The following ACTN1 variants were observed in gnomAD, a reference collection of about 807,000 sequenced individuals.
ACTN1 encodes the protein actinin alpha 1.
ACTN1 carries 30 observed loss-of-function variants against 119.6 expected under a neutral mutation model. The observed-to-expected ratio is 0.25, with a 90% CI of 0.19 to 0.34. The LOEUF (loss-of-function observed/expected upper bound fraction) is 0.34, where lower values mean the gene tolerates loss of function less well. Among genes scored for constraint, ACTN1 ranks in the 10% least tolerant of loss-of-function variants. ACTN1 has a pLI of 1.00. For synonymous variants in ACTN1, 429 were observed against 472.6 expected (o/e 0.91, Z 1.20); for missense variants, 764 against 1,223.4 (o/e 0.62, Z 5.60).
At position 68,885,862 on chromosome 14, in the gene ACTN1, ACACACAGCGGGAAACACAGCCATC is replaced by A; in HGVS notation, c.1235-311_1235-288del. 6.0e-6 allele frequency: 2 copies of A among 331,860 alleles called. No individual in the cohort carries two copies. The highest frequency in any genetic ancestry group is 5.7e-6 in the Non-Finnish European group (1 of 175,538). The allele number at this position is 331,860 out of a possible 1,614,324, so 20.6% of individuals were successfully genotyped here. On this transcript the variant is annotated intron_variant, in intron 11 of 21. Transcript: ENST00000394419. This position sits in a 1 kb window ranked among gnomAD's most constrained non-coding sequence, Gnocchi z 5.6. Reference sequence around the variant, plus strand: ...GGGAATGCATAGGGCATGACGCTATACACACAGCGGGAAACACAGCCATCCACACCCTCTGGTATAACCAGGAAA... The same window carrying A: ...GGGAATGCATAGGGCATGACGCTATACACACCCTCTGGTATAACCAGGAAA...
Position 68,880,960 on chromosome 14 carries a change from A to G in ACTN1, c.1983T>C (p.His661=), listed in dbSNP as rs149956838. ...EEIGRISIEM[H]GTLEDQLSHL... is the part of the protein sequence containing the mutation. ...GGCTGAGCTGGTCCTCCAGGGTCCC[A>G]TGCATCTCAATGGAGATCCTCCCGA... Residue 661 remains histidine, a synonymous_variant, in exon 17 of 22, where the codon CAT becomes CAC. Coordinates refer to ENST00000394419, the MANE Select transcript of ACTN1 (RefSeq NM_001130004.2). This position sits in a 1 kb window ranked among gnomAD's most constrained non-coding sequence, Gnocchi z 4.6. The G allele has an allele frequency of 1.2e-5, 19 of 1,613,978 alleles. No homozygotes were observed. In the African/African-American group the frequency reaches 2.5e-4, roughly 22 times the overall value.
rs1463057844 is a variant in ACTN1 at position 68,925,677 on chromosome 14, G to A, written c.106-5C>T. On this transcript the variant is annotated splice_polypyrimidine_tract_variant and splice_region_variant and intron_variant, in intron 1 of 21. Coordinates refer to ENST00000394419, the MANE Select transcript of ACTN1 (RefSeq NM_001130004.2). This position sits in a 1 kb window ranked among gnomAD's most constrained non-coding sequence, Gnocchi z 4.3. ...GTTACACCATGCCGTGAATGTCTGG[G>A]CAGAGACAAGAAGGGCAAGTGGTCA... 3 of 1,607,890 alleles carry A rather than the reference G, an allele frequency of 1.9e-6. No individual in the cohort carries two copies. Among genetic ancestry groups the A allele is most frequent in the Non-Finnish European group, 1.7e-6 (2 of 1,176,382 alleles).
intron 1 of ACTN1, among the ~76,000 whole-genome samples, chr14:68,961,784 G>A (rs2036550349): frequency 6.6e-6 from 1 of 152,184 alleles, no homozygotes; most frequent in South Asian, 2.1e-4. Flanking sequence ...GACCCTGGCT[G>A]GCCTCAGATG....
intron 1 of ACTN1, among the ~76,000 whole-genome samples, chr14:68,935,093 G>A (rs957738445): frequency 1.5e-4 from 23 of 152,014 alleles, no homozygotes; most frequent in Non-Finnish European, 2.6e-4. Flanking sequence ...CACAATCTCC[G>A]CTCACTGCAA....
chr14:68,876,969 G>A, intron 21 of ACTN1, 113 bp downstream of exon 21: 2 of 1,320,050 alleles, frequency 1.5e-6, no homozygotes, highest in Non-Finnish European at 1.0e-6. Flanking sequence ...GAGGCCAAAG[G>A]ACCCTGGAAG....
intron 3 of ACTN1, among the ~76,000 whole-genome samples, chr14:68,917,796 T>C (rs2034390944): frequency 6.6e-6 from 1 of 152,258 alleles, no homozygotes; most frequent in Admixed American, 6.5e-5. Flanking sequence ...CGGGGCGTGG[T>C]GGCTTGCGCC....
chr14:68,879,094 C>A lies in ACTN1; in HGVS notation c.2281-25G>T, dbSNP rs759510599. 2.6e-6 allele frequency: 4 copies of A among 1,565,334 alleles called. No homozygotes were observed. Among genetic ancestry groups the A allele is most frequent in the South Asian group, 2.3e-5 (2 of 88,670 alleles). ...CCTGGGGCCGCGGTGCGCCAGGCAGCGAGCCATGCGGTGTCAGGGAGGTGG... is the reference window on the plus strand; with the variant it reads ...CCTGGGGCCGCGGTGCGCCAGGCAGAGAGCCATGCGGTGTCAGGGAGGTGG... On this transcript the variant is annotated intron_variant, in intron 18 of 21. Coordinates refer to ENST00000394419, the MANE Select transcript of ACTN1 (RefSeq NM_001130004.2). The surrounding 1 kb of genome is among the most constrained non-coding windows in gnomAD (Gnocchi z 4.9).
intron 1 of ACTN1, among the ~76,000 whole-genome samples, chr14:68,976,933 G>A (rs1312902029): frequency 6.6e-6 from 1 of 152,178 alleles, no homozygotes; most frequent in Non-Finnish European, 1.5e-5. Flanking sequence ...ACCCAGGTCA[G>A]AGCCCTGGGA....
In ACTN1 at chr14:68,890,174, C is replaced by A. The variant is rs575011573; in HGVS notation, c.1199G>T (p.Arg400Leu). The change falls in exon 11 of 22, where the codon CGG (arginine) becomes CTG (leucine). Residue 400 changes from arginine (R) to leucine (L), a missense_variant. Physicochemically the swap from Arg to Leu is moderately radical, Grantham distance 102. Coordinates refer to ENST00000394419, the MANE Select transcript of ACTN1 (RefSeq NM_001130004.2). ...GGCCTCGTGGATGGAGGCCTTCTGCCGGAACTTCTCTGCCAGGTGGTCCAG... is the reference window on the plus strand; with the variant it reads ...GGCCTCGTGGATGGAGGCCTTCTGCAGGAACTTCTCTGCCAGGTGGTCCAG... ...ERLDHLAEKF[R>L]QKASIHEAWT... The A allele has an allele frequency of 5.6e-6, 9 of 1,614,016 alleles. No individual in the cohort carries two copies. The highest frequency in any genetic ancestry group is 1.3e-5 in the African/African-American group (1 of 74,916).
Position 68,880,746 on chromosome 14 carries a change from A to C in ACTN1, c.2133+64T>G. ...GACCTGTTCCCTTGGAGACTTCCCC[A>C]CCCAGGAGAAAGAGCAGAAGGGGCC... On this transcript the variant is annotated intron_variant, in intron 17 of 21. Transcript: ENST00000394419. This position sits in a 1 kb window ranked among gnomAD's most constrained non-coding sequence, Gnocchi z 4.6. 1 of 1,550,330 alleles carries C rather than the reference A, an allele frequency of 6.5e-7. No individual in the cohort carries two copies. Among genetic ancestry groups the C allele is most frequent in the Non-Finnish European group, 8.8e-7 (1 of 1,131,492 alleles).
At chr14:68,968,635 CTT>C (rs1420030243) in intron 1 of ACTN1, among the ~76,000 whole-genome samples, 1 of 152,254 alleles carries the variant, frequency 6.6e-6, no homozygotes, top group Non-Finnish European at 1.5e-5. Flanking sequence ...ACAAGGTACT[CTT>C]TCCTGAAAAT....
Position 68,882,096 on chromosome 14 carries a change from C to T in ACTN1, c.1953+362G>A, listed in dbSNP as rs149686655. Among the ~76,000 whole-genome samples, 937 of 152,002 alleles carry T rather than the reference C, an allele frequency of 6.2e-3. 9 individuals are homozygous for T. The highest frequency in any genetic ancestry group is 0.021 in the African/African-American group (868 of 41,476). ...GATTATAGGCACGCATCATCACACC[C>T]GGCTGATTTTTGTATTTTTAGTAGA... On this transcript the variant is annotated intron_variant, in intron 16 of 21. Transcript: ENST00000394419. The surrounding 1 kb of genome is among the most constrained non-coding windows in gnomAD (Gnocchi z 4.5).
chr14:68,888,528 C>A (rs1404059956), intron 11 of ACTN1, among the ~76,000 whole-genome samples: 1 of 152,166 alleles, frequency 6.6e-6, no homozygotes, highest in Non-Finnish European at 1.5e-5. Flanking sequence ...AGCATTTGTA[C>A]TTACAAAGGG....
chr14:68,937,945 C>T (rs777132114), intron 1 of ACTN1, among the ~76,000 whole-genome samples: 2 of 152,240 alleles, frequency 1.3e-5, no homozygotes, highest in Admixed American at 6.5e-5. Context: ...ATGTTGAAGA[C>T]GTTACTGAGG....
At chr14:68,937,377 G>A (rs962706372) in intron 1 of ACTN1, among the ~76,000 whole-genome samples, 3 of 152,074 alleles carry the variant, frequency 2.0e-5, no homozygotes, top group African/African-American at 4.8e-5. Context: ...TATTATGGAG[G>A]AGGAAAAAGG....
rs923299339 is a variant in ACTN1 at position 68,909,680 on chromosome 14, G to A, written c.515+275C>T. ...CCTAGTCTGCTGTTCCAGAGCCCTG[G>A]GCTGGGACTTCCTGGACAATTTCCT... On this transcript the variant is annotated intron_variant, in intron 5 of 21. Coordinates refer to ENST00000394419, the MANE Select transcript of ACTN1 (RefSeq NM_001130004.2). The surrounding 1 kb of genome is among the most constrained non-coding windows in gnomAD (Gnocchi z 4.1). 1.8e-4 allele frequency among the ~76,000 whole-genome samples: 28 copies of A among 152,162 alleles called. No homozygotes were observed. The highest frequency in any genetic ancestry group is 1.8e-3 in the Admixed American group (28 of 15,282).
In ACTN1 at chr14:68,884,791, C is replaced by A; in HGVS notation, c.1478G>T (p.Arg493Leu). Residue 493 changes from arginine to leucine, a missense_variant, in exon 13 of 22, where the codon CGA becomes CTA. Transcript: ENST00000394419. ...ACCTCTCACCTCCAGAGCTTCCCTT[C>A]GCTTCTGAGTTAGGGCCCCCAGATT... ...WDNLGALTQK[R>L]REALERTEKL... 1 of 1,613,856 alleles carries A rather than the reference C, an allele frequency of 6.2e-7. No homozygotes were observed. Among genetic ancestry groups the A allele is most frequent in the Non-Finnish European group, 8.5e-7 (1 of 1,179,714 alleles).
intron 3 of ACTN1, among the ~76,000 whole-genome samples, 188 bp downstream of exon 3, chr14:68,920,818 G>T (rs2034603709): frequency 6.6e-6 from 1 of 152,210 alleles, no homozygotes; most frequent in South Asian, 2.1e-4. Flanking sequence ...TTTGGGCAGG[G>T]CTGAGACTAG....
chr14:68,958,368 G>A (rs2036421397), intron 1 of ACTN1, among the ~76,000 whole-genome samples: 1 of 152,070 alleles, frequency 6.6e-6, no homozygotes, highest in South Asian at 2.1e-4. Context: ...GACAAGAGAC[G>A]AGTTCACTGC....
Sources: allele counts gnomAD v4.1 joint callset (sites outside exome capture counted in the v4.1 genomes callset), GRCh38; gene constraint gnomAD v4.1.1; non-coding constraint Gnocchi (gnomAD v3.1); transcripts MANE v1.5; gene names NCBI Gene and HGNC (gene_info 2026-07-23, HGNC 2026-07-21).